Variants in CMIP observed in about 807,000 individuals in gnomAD.
The protein encoded by CMIP is C-Maf-inducing protein.
In CMIP, 13 loss-of-function variants were observed where a neutral mutation model predicts 97.3. The observed-to-expected ratio is 0.13, with a 90% CI of 0.09 to 0.21. The LOEUF (loss-of-function observed/expected upper bound fraction) is 0.21, where lower values mean the gene tolerates loss of function less well. Ranked by LOEUF, CMIP falls within the 10% of genes least tolerant of loss-of-function variation. The pLI is 1.00. For synonymous variants in CMIP, 538 were observed against 436.3 expected (o/e 1.23, Z -2.91); for missense variants, 847 against 1,024.9 (o/e 0.83, Z 2.37).
Position 81,522,133 on chromosome 16 carries a change from T to C in CMIP, c.300+76592T>C, listed in dbSNP as rs77077978. ...CCTAAGACAAGGGAAATGTCAGACA[T>C]CTTTGCTTCTAGCTGGAATCCTATC... On this transcript the variant is annotated intron_variant, in intron 1 of 20. Coordinates refer to ENST00000537098, the MANE Select transcript of CMIP (RefSeq NM_198390.3). Among the ~76,000 whole-genome samples, 1,099 of 152,314 alleles carry C rather than the reference T, an allele frequency of 7.2e-3. 23 individuals are homozygous for C. Among genetic ancestry groups the C allele is most frequent in the African/African-American group, 0.025 (1,026 of 41,562 alleles).
chr16:81,470,437 G>C (rs891195462), intron 1 of CMIP, among the ~76,000 whole-genome samples: 2 of 152,222 alleles, frequency 1.3e-5, no homozygotes, highest in Non-Finnish European at 2.9e-5. Flanking sequence ...GGGTCACAGA[G>C]ACAGATGTTT....
At chr16:81,583,479 A>T (rs1215105189) in intron 1 of CMIP, among the ~76,000 whole-genome samples, 1 of 152,246 alleles carries the variant, frequency 6.6e-6, no homozygotes, top group East Asian at 1.9e-4. Flanking sequence ...CTTTTTAAAA[A>T]TAAGTCATTG....
At chr16:81,686,349 C>T (rs1330047993) in intron 10 of CMIP, among the ~76,000 whole-genome samples, 1 of 152,170 alleles carries the variant, frequency 6.6e-6, no homozygotes, top group Non-Finnish European at 1.5e-5. Flanking sequence ...GACATGCACA[C>T]GACAGGCCTC....
intron 13 of CMIP, among the ~76,000 whole-genome samples, chr16:81,694,350 T>C (rs1406255267): frequency 6.6e-6 from 1 of 152,124 alleles, no homozygotes; most frequent in Non-Finnish European, 1.5e-5. Context: ...GGGGGAAGGA[T>C]GAGCAGAGGA....
chr16:81,705,178 C>T (rs954565647), intron 18 of CMIP, among the ~76,000 whole-genome samples: 1 of 152,166 alleles, frequency 6.6e-6, no homozygotes, highest in African/African-American at 2.4e-5. Flanking sequence ...CACTGTCCAC[C>T]CAGCAGGAGA....
rs1456737872 is a variant in CMIP, at chr16:81,616,787, G to A, written c.427-4089G>A. On this transcript the variant is annotated intron_variant, in intron 2 of 20. Transcript: ENST00000537098. This position sits in a 1 kb window ranked among gnomAD's most constrained non-coding sequence, Gnocchi z 4.7. ...AGGATGGGGCTGAGAAGAGACTGAT[G>A]TGTAGCAGTGTCTGTGGTCAGTGGC... Among the ~76,000 whole-genome samples, 2 of 152,266 alleles carry A rather than the reference G, an allele frequency of 1.3e-5. No individual in the cohort carries two copies. The highest frequency in any genetic ancestry group is 1.5e-5 in the Non-Finnish European group (1 of 68,052).
At chr16:81,697,424 A>G (rs985350073) in intron 14 of CMIP, 4 of 152,360 alleles carry the variant, frequency 2.6e-5, no homozygotes, top group Admixed American at 2.0e-4. Flanking sequence ...CCTAGTGGCC[A>G]GCAGCCTCGC....
At chr16:81,564,003 C>G (rs779290962) in intron 1 of CMIP, among the ~76,000 whole-genome samples, 1 of 152,234 alleles carries the variant, frequency 6.6e-6, no homozygotes. Context: ...AGCCTGAGCC[C>G]AGGGCCAGTA....
rs1350484993 is a variant in CMIP at position 81,453,906 on chromosome 16, A to T, written c.300+8365A>T. ...ACACGGCCACACGGAGTGCAGGGGA[A>T]GACTTGGGAACATGGTTTACATGTG... On this transcript the variant is annotated intron_variant, in intron 1 of 20. Coordinates refer to ENST00000537098, the MANE Select transcript of CMIP (RefSeq NM_198390.3). The surrounding 1 kb of genome is among the most constrained non-coding windows in gnomAD (Gnocchi z 4.0). Among the ~76,000 whole-genome samples, 1 of 152,216 alleles carries T rather than the reference A, an allele frequency of 6.6e-6. No individual in the cohort carries two copies. The highest frequency in any genetic ancestry group is 1.5e-5 in the Non-Finnish European group (1 of 68,024).
chr16:81,564,181 G>T (rs771197368), intron 1 of CMIP, among the ~76,000 whole-genome samples: 17 of 152,218 alleles, frequency 1.1e-4, no homozygotes, highest in Non-Finnish European at 2.2e-4. Flanking sequence ...GGGGAGAAAA[G>T]AATGCCGCCC....
chr16:81,573,776 A>G (rs2091138853), intron 1 of CMIP, among the ~76,000 whole-genome samples: 1 of 152,148 alleles, frequency 6.6e-6, no homozygotes, highest in South Asian at 2.1e-4. Context: ...GTGGCAGTGT[A>G]ATGTGTAACG....
chr16:81,690,469 A>G (rs1056296107), intron 10 of CMIP, among the ~76,000 whole-genome samples: 5 of 152,216 alleles, frequency 3.3e-5, no homozygotes, highest in Non-Finnish European at 5.9e-5. Flanking sequence ...CACCAAGGCC[A>G]GGCATGGTGC....
At chr16:81,632,823 C>T (rs558137613) in intron 3 of CMIP, among the ~76,000 whole-genome samples, 1 of 152,328 alleles carries the variant, frequency 6.6e-6, no homozygotes, top group East Asian at 1.9e-4. Flanking sequence ...CCAGGGCTTC[C>T]TCAACTCTAC....
rs1479279616 is a variant in CMIP at position 81,709,859 on chromosome 16, A to G, written c.*60A>G. On this transcript the variant is annotated 3_prime_UTR_variant, in exon 21 of 21. Coordinates refer to ENST00000537098, the MANE Select transcript of CMIP (RefSeq NM_198390.3). ...CGCGACAAAATAACTCTTGACTAAC[A>G]GCCGCAGAGCAGCCGGTCCTGGGGT... 5.8e-6 allele frequency: 8 copies of G among 1,379,968 alleles called. No individual in the cohort carries two copies. The East Asian group carries it at 1.2e-4, about 21-fold the overall frequency. The allele number at this position is 1,379,968 out of a possible 1,614,324, so 85.5% of individuals were successfully genotyped here. A position where few individuals can be genotyped will look rare whatever the true frequency, so the allele number is the denominator to read the frequency against.
intron 1 of CMIP, among the ~76,000 whole-genome samples, chr16:81,465,842 A>G (rs372345799): frequency 6.6e-6 from 1 of 152,168 alleles, no homozygotes; most frequent in Non-Finnish European, 1.5e-5. Context: ...ACCTTCGCTC[A>G]GGGTCTTCTG....
chr16:81,560,524 A>G lies in CMIP; in HGVS notation c.301-47043A>G, dbSNP rs146793254. On this transcript the variant is annotated intron_variant, in intron 1 of 20. Coordinates refer to ENST00000537098, the MANE Select transcript of CMIP (RefSeq NM_198390.3). The stretch of plus-strand genomic sequence containing the variant: ...TGAGCCACTGCGCCCAGCCAGAAAA[A>G]CAATTTTTTACAAATGTAGTGTAGC... Among the ~76,000 whole-genome samples the G allele has an allele frequency of 8.7e-4, 132 of 152,174 alleles. 2 individuals carry two copies. In the East Asian group the frequency reaches 0.024, roughly 28 times the overall value.
chr16:81,573,753 C>T (rs138281799), intron 1 of CMIP, among the ~76,000 whole-genome samples: 1 of 152,136 alleles, frequency 6.6e-6, no homozygotes, highest in Non-Finnish European at 1.5e-5. Flanking sequence ...TGTTGTCATT[C>T]CTACCTCCCT....
intron 1 of CMIP, among the ~76,000 whole-genome samples, chr16:81,491,366 C>T (rs1341202674): frequency 6.6e-6 from 1 of 152,140 alleles, no homozygotes; most frequent in Non-Finnish European, 1.5e-5. Flanking sequence ...TCCTCGTTTT[C>T]TTGGTAAAAA....
At chr16:81,555,163 C>T (rs1243031202) in intron 1 of CMIP, among the ~76,000 whole-genome samples, 1 of 152,218 alleles carries the variant, frequency 6.6e-6, no homozygotes, top group Admixed American at 6.5e-5. Context: ...CTGTCATCTC[C>T]TCTCTTGCAG....
Sources: allele counts gnomAD v4.1 joint callset (sites outside exome capture counted in the v4.1 genomes callset), GRCh38; gene constraint gnomAD v4.1.1; non-coding constraint Gnocchi (gnomAD v3.1); transcripts MANE v1.5; gene names NCBI Gene and HGNC (gene_info 2026-07-23, HGNC 2026-07-21).